Variants in PACC1 observed in about 807,000 individuals in gnomAD.
The protein encoded by PACC1 is proton activated chloride channel 1.
A neutral mutation model predicts 39.7 loss-of-function variants in PACC1; 34 were observed. The ratio of observed to expected loss-of-function variants is 0.86; its 90% CI spans 0.65 to 1.14. The LOEUF is 1.14. Ranked by LOEUF, PACC1 falls within the 50% of genes most tolerant of loss-of-function variation. The pLI, the probability that PACC1 is intolerant of heterozygous loss-of-function variation, is 0.00. For missense variants in PACC1, 379 were observed against 436.4 expected (o/e 0.87, Z 1.17); for synonymous variants, 127 against 160.6 (o/e 0.79, Z 1.58).
At chr1:212,376,073 T>C (rs1258583742) in intron 6 of PACC1, among the ~76,000 whole-genome samples, 2 of 152,168 alleles carry the variant, frequency 1.3e-5, no homozygotes, top group African/African-American at 4.8e-5. Flanking sequence ...TCCACACAGC[T>C]GAGCATTCCC....
chr1:212,395,471 A>G (rs1661480345), intron 2 of PACC1, among the ~76,000 whole-genome samples: 1 of 152,210 alleles, frequency 6.6e-6, no homozygotes, highest in African/African-American at 2.4e-5. Flanking sequence ...TCAGACCTAA[A>G]ACCATAAAAA....
intron 2 of PACC1, among the ~76,000 whole-genome samples, chr1:212,396,909 C>T (rs1661549199): frequency 6.6e-6 from 1 of 151,330 alleles, no homozygotes; most frequent in Non-Finnish European, 1.5e-5. Context: ...CAATGGAGGC[C>T]AGAAGACAAT....
At chr1:212,395,657 A>C (rs1661485998) in intron 2 of PACC1, among the ~76,000 whole-genome samples, 1 of 152,180 alleles carries the variant, frequency 6.6e-6, no homozygotes, top group South Asian at 2.1e-4. Context: ...GGCAACCTAC[A>C]GAATGGGAGA....
intron 2 of PACC1, among the ~76,000 whole-genome samples, chr1:212,405,173 A>G (rs1272177767): frequency 6.6e-6 from 1 of 152,110 alleles, no homozygotes; most frequent in East Asian, 1.9e-4. Context: ...TTGCTCCTAG[A>G]TGAGAGGCTC....
rs1662075064 is a variant in PACC1, at chr1:212,410,300, G to A, written c.133+125C>T. On this transcript the variant is annotated intron_variant, in intron 2 of 7. Transcript: ENST00000261455. ...AAATATGTATGGCTTTAAAACTAGG[G>A]CAATACTTGAGACCTGACACCAGGG... 9 of 823,150 alleles carry A rather than the reference G, an allele frequency of 1.1e-5. No homozygotes were observed. In the Admixed American group the frequency reaches 1.6e-4, roughly 15 times the overall value. 51.0% of individuals were successfully genotyped at this position (823,150 alleles called of 1,614,324 possible).
At chr1:212,413,091 C>A (rs554460804) in intron 1 of PACC1, among the ~76,000 whole-genome samples, 132 of 152,314 alleles carry the variant, frequency 8.7e-4, no homozygotes, top group African/African-American at 3.1e-3. Flanking sequence ...ACATCTCATT[C>A]CCCAGGATTC....
At chr1:212,389,995 C>CA (rs1558174715) in intron 2 of PACC1, among the ~76,000 whole-genome samples, 2 of 150,400 alleles carry the variant, frequency 1.3e-5, no homozygotes, top group Non-Finnish European at 3.0e-5. Context: ...TTTGTGAACT[C>CA]AAAGTTAAAT....
intron 2 of PACC1, among the ~76,000 whole-genome samples, chr1:212,389,322 AG>A (rs754125382): frequency 1.3e-5 from 2 of 151,772 alleles, no homozygotes; most frequent in Non-Finnish European, 2.9e-5. Flanking sequence ...TGGAGAACCC[AG>A]GGGGGGCCAG....
At position 212,386,979 on chromosome 1, in the gene PACC1, G is replaced by A; in HGVS notation, c.255C>T (p.Val85=). ...LLLMAVAVFL[V]YRTITDFREK... ...CACGAAAGTCTGTGATGGTCCGGTAGACCAGGAAGACGGCCACAGCCATGA... is the reference window on the plus strand; with the variant it reads ...CACGAAAGTCTGTGATGGTCCGGTAAACCAGGAAGACGGCCACAGCCATGA... The change falls in exon 3 of 8, where the codon GTC becomes GTT. Residue 85 remains valine, a synonymous_variant. Coordinates refer to ENST00000261455, the MANE Select transcript of PACC1 (RefSeq NM_018252.3). This position sits in a 1 kb window ranked among gnomAD's most constrained non-coding sequence, Gnocchi z 5.0. 6.2e-7 allele frequency: 1 copy of A among 1,614,226 alleles called. No homozygotes were observed.
chr1:212,371,259 A>G (rs961122769), intron 7 of PACC1, among the ~76,000 whole-genome samples: 2 of 121,254 alleles, frequency 1.6e-5, no homozygotes, highest in Non-Finnish European at 3.1e-5. Flanking sequence ...AAAAAAAAAA[A>G]GAAAGAAAAG....
At chr1:212,369,837 A>AT (rs1660381139) in intron 7 of PACC1, among the ~76,000 whole-genome samples, 1 of 152,136 alleles carries the variant, frequency 6.6e-6, no homozygotes, top group African/African-American at 2.4e-5. Flanking sequence ...ACAAATGTAA[A>AT]TAAAAAAACA....
chr1:212,379,749 T>G, intron 5 of PACC1, 146 bp downstream of exon 5: 2 of 951,362 alleles, frequency 2.1e-6, no homozygotes, highest in Non-Finnish European at 1.6e-6. Flanking sequence ...GCCAAGCTCA[T>G]GAGGTCCCTT....
chr1:212,371,989 A>G (rs1045632308), intron 7 of PACC1, among the ~76,000 whole-genome samples: 1 of 152,196 alleles, frequency 6.6e-6, no homozygotes, highest in Non-Finnish European at 1.5e-5. Context: ...CTATCATGAT[A>G]AAAACTCTCA....
chr1:212,397,953 A>G (rs1193206555), intron 2 of PACC1, among the ~76,000 whole-genome samples: 3 of 152,226 alleles, frequency 2.0e-5, no homozygotes, highest in South Asian at 2.1e-4. Context: ...TAACTACTCC[A>G]TGATCCTAGA....
At chr1:212,373,898 T>C (rs1394205393) in intron 7 of PACC1, among the ~76,000 whole-genome samples, 1 of 152,174 alleles carries the variant, frequency 6.6e-6, no homozygotes, top group East Asian at 1.9e-4. Flanking sequence ...GCTTGTATAC[T>C]GTTGGTGGGA....
chr1:212,385,547 G>A, intron 3 of PACC1, 122 bp from the exon 4 acceptor site: 6 of 1,051,734 alleles, frequency 5.7e-6, no homozygotes, highest in East Asian at 2.6e-5. Context: ...AGGGAAGGGA[G>A]AAGAAAAGGG....
chr1:212,397,617 G>A (rs1193674185), intron 2 of PACC1, among the ~76,000 whole-genome samples: 1 of 152,170 alleles, frequency 6.6e-6, no homozygotes, highest in Admixed American at 6.5e-5. Flanking sequence ...TGTACTAGGT[G>A]CTTCAGGGAG....
At chr1:212,414,229 G>T in intron 1 of PACC1, 1 of 862,240 alleles carries the variant, frequency 1.2e-6, no homozygotes, top group Non-Finnish European at 1.7e-6. Context: ...CAAAAAACAG[G>T]TAATCAATCC....
chr1:212,372,865 G>T (rs1253610087), intron 7 of PACC1, among the ~76,000 whole-genome samples: 2 of 151,912 alleles, frequency 1.3e-5, no homozygotes, highest in Non-Finnish European at 2.9e-5. Flanking sequence ...AATTGAACAG[G>T]ACACAAAAAA....
Sources: allele counts gnomAD v4.1 joint callset (sites outside exome capture counted in the v4.1 genomes callset), GRCh38; gene constraint gnomAD v4.1.1; non-coding constraint Gnocchi (gnomAD v3.1); transcripts MANE v1.5; gene names NCBI Gene and HGNC (gene_info 2026-07-23, HGNC 2026-07-21).